Variants in WDR26 observed in about 807,000 individuals in gnomAD.
WDR26 encodes WD repeat domain 26.
Under a neutral mutation model 84.1 loss-of-function variants are expected in WDR26, and 5 were observed. The observed-to-expected ratio is 0.06, with a 90% CI of 0.03 to 0.13. WDR26 has a LOEUF of 0.13. Among genes scored for constraint, WDR26 ranks in the 10% least tolerant of loss-of-function variants. WDR26 has a pLI of 1.00. For missense variants in WDR26, 642 were observed against 974.9 expected (o/e 0.66, Z 4.55); for synonymous variants, 415 against 389.6 (o/e 1.07, Z -0.77).
At chr1:224,391,376 A>C (rs77396328) in intron 13 of WDR26, among the ~76,000 whole-genome samples, 7 of 105,330 alleles carry the variant, frequency 6.6e-5, no homozygotes, top group African/African-American at 3.0e-4. Flanking sequence ...AAAAAAAAAA[A>C]AAAAAAACAA....
rs1672996497 is a variant in WDR26 at position 224,386,593 on chromosome 1, C to CCTAATAATA, written c.*3233_*3241dup. On this transcript the variant is annotated 3_prime_UTR_variant, in exon 14 of 14. Coordinates refer to ENST00000414423, the MANE Select transcript of WDR26 (RefSeq NM_001379403.1). Reference sequence around the variant, plus strand: ...TATGCCACTGTAGAGGCAGAACACTCCTAATAATAACATTCACCAGATTAC... The same window carrying CCTAATAATA: ...TATGCCACTGTAGAGGCAGAACACTCCTAATAATACTAATAATAACATTCACCAGATTAC... 1 of 152,450 alleles carries CCTAATAATA rather than the reference C, an allele frequency of 6.6e-6. No homozygotes were observed. Among genetic ancestry groups the CCTAATAATA allele is most frequent in the Non-Finnish European group, 1.5e-5 (1 of 67,986 alleles). The allele number at this position is 152,450 out of a possible 1,614,324, so 9.4% of individuals were successfully genotyped here.
At position 224,385,801 on chromosome 1, in the gene WDR26, TAAGTTA is replaced by T. The variant is rs1672979964; in HGVS notation, c.*4028_*4033del. ...CATTGACCCTGATAATGAAAATGTT[TAAGTTA>T]AAGATGGGGACACAATTTCAATCTT... On this transcript the variant is annotated 3_prime_UTR_variant, in exon 14 of 14. Coordinates refer to ENST00000414423, the MANE Select transcript of WDR26 (RefSeq NM_001379403.1). 6.6e-6 allele frequency: 1 copy of T among 152,610 alleles called. No individual in the cohort carries two copies. Among genetic ancestry groups the T allele is most frequent in the African/African-American group, 2.4e-5 (1 of 41,436 alleles). 9.5% of individuals were successfully genotyped at this position (152,610 alleles called of 1,614,324 possible). A position where few individuals can be genotyped will look rare whatever the true frequency, so the allele number is the denominator to read the frequency against.
rs908201209 is a variant in WDR26 at position 224,411,873 on chromosome 1, A to AT, written c.1320-309dup. Among the ~76,000 whole-genome samples, 40 of 150,964 alleles carry AT rather than the reference A, an allele frequency of 2.6e-4. 1 individual carries two copies. In the South Asian group the frequency reaches 6.5e-3, roughly 25 times the overall value. On this transcript the variant is annotated intron_variant, in intron 6 of 13. Transcript: ENST00000414423. ...GACCTGTGACACCAGGCCCAGCTAC[A>AT]TTTTTTTTTACTTGCTACTGGGGAG...
chr1:224,407,430 T>C (rs1673613180), intron 7 of WDR26, among the ~76,000 whole-genome samples: 1 of 148,598 alleles, frequency 6.7e-6, no homozygotes, highest in South Asian at 2.1e-4. Context: ...ATTTTAAGGC[T>C]CTCTTAAATG....
chr1:224,413,466 T>C (rs1442118813), intron 6 of WDR26: 4 of 298,350 alleles, frequency 1.3e-5, no homozygotes, highest in African/African-American at 2.2e-5. Context: ...GCTTTAATAT[T>C]ACTACTATAC....
rs148389992 is a variant in WDR26, at chr1:224,418,738, T to C, written c.1163-322A>G. On this transcript the variant is annotated intron_variant, in intron 5 of 13. Coordinates refer to ENST00000414423, the MANE Select transcript of WDR26 (RefSeq NM_001379403.1). ...CAATGAAAAGAATATTAGATATTAT[T>C]GTGTACCAGGAGACCAGGTGTAAGT... is the stretch of plus-strand genomic sequence containing the variant. Among the ~76,000 whole-genome samples, 6 of 152,330 alleles carry C rather than the reference T, an allele frequency of 3.9e-5. No homozygotes were observed. In the East Asian group the frequency reaches 1.2e-3, roughly 29 times the overall value.
intron 6 of WDR26, among the ~76,000 whole-genome samples, chr1:224,414,412 T>C (rs559692694): frequency 6.6e-6 from 1 of 152,262 alleles, no homozygotes; most frequent in East Asian, 1.9e-4. Context: ...TGCCTAGAAA[T>C]TGTATACAAT....
intron 12 of WDR26, among the ~76,000 whole-genome samples, chr1:224,395,814 A>G (rs548024495): frequency 6.6e-6 from 1 of 152,342 alleles, no homozygotes; most frequent in East Asian, 1.9e-4. Context: ...GGTCAAAATG[A>G]CAGGCTTTAT....
intron 4 of WDR26, among the ~76,000 whole-genome samples, chr1:224,423,439 G>A (rs1374779313): frequency 1.3e-5 from 2 of 152,156 alleles, no homozygotes; most frequent in African/African-American, 2.4e-5. Context: ...TATCATGAAG[G>A]GGTGAATCCA....
chr1:224,408,262 C>G (rs574123553), intron 7 of WDR26, among the ~76,000 whole-genome samples: 3 of 152,300 alleles, frequency 2.0e-5, no homozygotes, highest in East Asian at 1.9e-4. Context: ...TTCTTTACCT[C>G]TTCTTCACCT....
At chr1:224,393,121 C>T (rs527293513) in intron 13 of WDR26, among the ~76,000 whole-genome samples, 51 of 152,292 alleles carry the variant, frequency 3.3e-4, no homozygotes, top group African/African-American at 1.2e-3. Context: ...TCTTCATCCC[C>T]AAGTATCTCA....
At chr1:224,403,142 T>A (rs191788648) in intron 8 of WDR26, among the ~76,000 whole-genome samples, 16 of 152,010 alleles carry the variant, frequency 1.1e-4, no homozygotes, top group Non-Finnish European at 1.9e-4. Context: ...CCAGCCTGCC[T>A]CCTGGGTTCA....
At chr1:224,408,107 G>T (rs1051481833) in intron 7 of WDR26, among the ~76,000 whole-genome samples, 4 of 152,150 alleles carry the variant, frequency 2.6e-5, no homozygotes, top group Non-Finnish European at 4.4e-5. Flanking sequence ...TCTTAGCAAA[G>T]AATACAAAAG....
rs1337863533 is a variant in WDR26 at position 224,434,763 on chromosome 1, T to C, written c.-358A>G. The C allele has an allele frequency of 1.1e-5, 11 of 986,258 alleles. No homozygotes were observed. Among genetic ancestry groups the C allele is most frequent in the African/African-American group, 1.0e-4 (6 of 57,146 alleles). 61.1% of individuals were successfully genotyped at this position (986,258 alleles called of 1,614,324 possible). On this transcript the variant is annotated 5_prime_UTR_variant, in exon 1 of 14. Coordinates refer to ENST00000414423, the MANE Select transcript of WDR26 (RefSeq NM_001379403.1). ...CTCGGATCCGCTCCGCTCTGCTCCC[T>C]GGTGTGTTGATTCTTCCCCCAGCTG...
chr1:224,418,376 T>C lies in WDR26; in HGVS notation c.1203A>G (p.Leu401=). 6.2e-7 allele frequency: 1 copy of C among 1,613,472 alleles called. No individual in the cohort carries two copies. Among genetic ancestry groups the C allele is most frequent in the Non-Finnish European group, 8.5e-7 (1 of 1,179,624 alleles). Residue 401 remains leucine, a synonymous_variant, in exon 6 of 14, where the codon TTA becomes TTG. Transcript: ENST00000414423. Reference sequence around the variant, plus strand: ...CCACCGCCTGCCGCAGGAGAGTCTGTAAACGCCGTGGGGGAAGCATCACTG... The same window carrying C: ...CCACCGCCTGCCGCAGGAGAGTCTGCAAACGCCGTGGGGGAAGCATCACTG...
rs142621936 is a variant in WDR26 at position 224,425,091 on chromosome 1, T to C, written c.928-437A>G. On this transcript the variant is annotated intron_variant, in intron 3 of 13. Transcript: ENST00000414423. The stretch of plus-strand genomic sequence containing the variant: ...GTTTTGAAAAGATTAGAGAAAAAAA[T>C]AGCAAATGAACTATTTAAGTCACAA... Among the ~76,000 whole-genome samples, 104 of 152,122 alleles carry C rather than the reference T, an allele frequency of 6.8e-4. No individual in the cohort carries two copies. In the East Asian group the frequency reaches 0.013, roughly 18 times the overall value.
intron 6 of WDR26, chr1:224,413,360 A>G: frequency 8.6e-7 from 1 of 1,168,868 alleles, no homozygotes; most frequent in Non-Finnish European, 1.1e-6. Flanking sequence ...ACATTTAAAA[A>G]TAAATTAACA....
Position 224,431,729 on chromosome 1 carries a change from A to G in WDR26, c.775T>C (p.Ser259Pro). The G allele has an allele frequency of 6.2e-7, 1 of 1,613,998 alleles. No homozygotes were observed. The highest frequency in any genetic ancestry group is 8.5e-7 in the Non-Finnish European group (1 of 1,179,880). The change falls in exon 2 of 14, where the codon TCT (serine) becomes CCT (proline). Residue 259 changes from serine to proline, a missense_variant. By Grantham distance (74) the Ser-to-Pro change is moderately conservative. Coordinates refer to ENST00000414423, the MANE Select transcript of WDR26 (RefSeq NM_001379403.1). ...ACATGATTTCGGAATTTGGTAGCAG[A>G]AGGATGTTCTAAACGACATCCTGAC...
intron 6 of WDR26, among the ~76,000 whole-genome samples, chr1:224,414,922 A>C (rs1265091306): frequency 6.6e-6 from 1 of 152,242 alleles, no homozygotes; most frequent in African/African-American, 2.4e-5. Flanking sequence ...CCAGCTGCTC[A>C]GGCTGAGACG....
Sources: gnomAD v4.1 joint callset for allele counts (sites outside exome capture counted in the v4.1 genomes callset) on GRCh38, gnomAD v4.1.1 for gene constraint, MANE v1.5 for transcripts, NCBI Gene and HGNC (gene_info 2026-07-23, HGNC 2026-07-21) for gene names.